FSTL5: variants seen among roughly 807,000 people sequenced by gnomAD.
The protein encoded by FSTL5 is follistatin like 5.
Under a neutral mutation model 89.1 loss-of-function variants are expected in FSTL5, and 62 were observed. The ratio of observed to expected loss-of-function variants is 0.70; its 90% CI spans 0.57 to 0.86. The LOEUF (loss-of-function observed/expected upper bound fraction) is 0.86. FSTL5 is among the 40% of genes least tolerant of loss of function. The pLI is 0.00. For synonymous variants in FSTL5, 383 were observed against 346.2 expected (o/e 1.11, Z -1.18); for missense variants, 1,057 against 1,001.6 (o/e 1.06, Z -0.75).
At chr4:161,800,859 C>A (rs931463937) in intron 4 of FSTL5, among the ~76,000 whole-genome samples, 1 of 151,488 alleles carries the variant, frequency 6.6e-6, no homozygotes, top group Admixed American at 6.6e-5. Flanking sequence ...TAGGAGCCCA[C>A]ACAATCCCTT....
At chr4:161,700,431 C>T (rs1435648786) in intron 6 of FSTL5, among the ~76,000 whole-genome samples, 1 of 151,814 alleles carries the variant, frequency 6.6e-6, no homozygotes, top group African/African-American at 2.4e-5. Context: ...CAAATATCTT[C>T]GTTTTTCTAG....
chr4:161,631,777 C>G (rs1433804792), intron 7 of FSTL5, among the ~76,000 whole-genome samples: 2 of 152,152 alleles, frequency 1.3e-5, no homozygotes, highest in African/African-American at 4.8e-5. Context: ...ACACTAATAA[C>G]AAATGAAAAG....
chr4:162,006,705 C>T (rs1736626597), intron 3 of FSTL5, among the ~76,000 whole-genome samples: 1 of 151,862 alleles, frequency 6.6e-6, no homozygotes, highest in African/African-American at 2.4e-5. Flanking sequence ...TATTTTGCCT[C>T]ATTTGTATTG....
At chr4:161,668,410 T>C (rs944129586) in intron 6 of FSTL5, among the ~76,000 whole-genome samples, 2 of 152,214 alleles carry the variant, frequency 1.3e-5, no homozygotes, top group Non-Finnish European at 2.9e-5. Context: ...CAGGCCCAGA[T>C]GGATTCACTG....
chr4:161,587,507 G>A lies in FSTL5; in HGVS notation c.963C>T (p.Cys321=). The A allele has an allele frequency of 1.9e-6, 3 of 1,612,284 alleles. No individual in the cohort carries two copies. Among genetic ancestry groups the A allele is most frequent in the Middle Eastern group, 1.7e-4 (1 of 6,042 alleles). ...AGACTTGTTCATAGCCATCTGCATA[G>A]CAGGTGTAATTGCCAACGTGAGTTG... is the stretch of plus-strand genomic sequence containing the variant. ...VTTTHVGNYT[C]YADGYEQVYQ... The change falls in exon 8 of 16, where the codon TGC becomes TGT. Residue 321 remains cysteine (C), a synonymous_variant. Coordinates refer to ENST00000306100, the MANE Select transcript of FSTL5 (RefSeq NM_020116.5).
chr4:161,932,857 G>T (rs1398946006), intron 3 of FSTL5, among the ~76,000 whole-genome samples: 1 of 151,792 alleles, frequency 6.6e-6, no homozygotes, highest in African/African-American at 2.4e-5. Flanking sequence ...AATGTTATTG[G>T]TTAGCTGAAA....
At chr4:161,615,437 T>G (rs1056552829) in intron 7 of FSTL5, among the ~76,000 whole-genome samples, 2 of 120,458 alleles carry the variant, frequency 1.7e-5, no homozygotes, top group African/African-American at 6.6e-5. Context: ...AGGGCGAGAC[T>G]CCATCTCAAA....
intron 6 of FSTL5, among the ~76,000 whole-genome samples, chr4:161,665,625 G>A (rs542188185): frequency 1.1e-4 from 17 of 152,168 alleles, no homozygotes; most frequent in African/African-American, 4.1e-4. Flanking sequence ...ATCAGCAAAA[G>A]TAGAAACAAG....
chr4:161,565,116 C>T (rs868868016), intron 8 of FSTL5, among the ~76,000 whole-genome samples: 2 of 151,618 alleles, frequency 1.3e-5, no homozygotes, highest in Non-Finnish European at 2.9e-5. Flanking sequence ...AATGTGGGGC[C>T]GAAAGCAAAG....
At chr4:161,977,408 C>A (rs1006340638) in intron 3 of FSTL5, among the ~76,000 whole-genome samples, 2 of 151,460 alleles carry the variant, frequency 1.3e-5, no homozygotes, top group Admixed American at 1.3e-4. Context: ...GTTAGCAGAT[C>A]GAGACCATCC....
intron 2 of FSTL5, among the ~76,000 whole-genome samples, chr4:162,048,419 G>C (rs1304537077): frequency 6.6e-6 from 1 of 151,852 alleles, no homozygotes; most frequent in East Asian, 1.9e-4. Context: ...GCAAGATTTA[G>C]AAAAAAGAAA....
At position 161,878,773 on chromosome 4, in the gene FSTL5, A is replaced by T. The variant is rs996472596; in HGVS notation, c.409+41631T>A. Among the ~76,000 whole-genome samples, 126 of 152,254 alleles carry T rather than the reference A, an allele frequency of 8.3e-4. 2 individuals are homozygous for T. Among genetic ancestry groups the T allele is most frequent in the African/African-American group, 2.9e-3 (120 of 41,560 alleles). On this transcript the variant is annotated intron_variant, in intron 4 of 15. Transcript: ENST00000306100. ...CACATTTTAATGAAATTAAATGCCC[A>T]TTTCTATGGTTATTATATTTAAATA...
At chr4:161,910,958 A>C (rs989688237) in intron 4 of FSTL5, among the ~76,000 whole-genome samples, 4 of 152,124 alleles carry the variant, frequency 2.6e-5, no homozygotes, top group Admixed American at 1.3e-4. Flanking sequence ...CTGTCACCTG[A>C]TAGCAACTAA....
intron 4 of FSTL5, among the ~76,000 whole-genome samples, chr4:161,890,974 A>T (rs1352839673): frequency 1.3e-5 from 2 of 152,168 alleles, no homozygotes; most frequent in Non-Finnish European, 2.9e-5. Flanking sequence ...TACTGAGTTC[A>T]TAAAAAAAAA....
chr4:161,585,967 G>GTCTA (rs1477979287), intron 8 of FSTL5, among the ~76,000 whole-genome samples: 5 of 152,200 alleles, frequency 3.3e-5, no homozygotes, highest in African/African-American at 1.2e-4. Context: ...ACTTGATTAT[G>GTCTA]TCTAGATACC....
chr4:161,953,452 G>T (rs1190288165), intron 3 of FSTL5, among the ~76,000 whole-genome samples: 2 of 151,494 alleles, frequency 1.3e-5, no homozygotes, highest in East Asian at 3.9e-4. Context: ...AGGACAACTT[G>T]CTTTATGCGC....
intron 3 of FSTL5, among the ~76,000 whole-genome samples, chr4:161,955,821 A>G (rs1735012804): frequency 6.6e-6 from 1 of 151,888 alleles, no homozygotes; most frequent in Admixed American, 6.6e-5. Context: ...ACTAATGTAA[A>G]AATGAGACAA....
At chr4:161,598,300 G>A (rs527713353) in intron 7 of FSTL5, among the ~76,000 whole-genome samples, 67 of 152,132 alleles carry the variant, frequency 4.4e-4, no homozygotes, top group African/African-American at 1.5e-3. Flanking sequence ...GCTTGAACCC[G>A]GAAGGCAGAG....
intron 1 of FSTL5, among the ~76,000 whole-genome samples, chr4:162,140,880 A>G (rs761990923): frequency 2.0e-5 from 3 of 152,130 alleles, no homozygotes. Flanking sequence ...AGATGTTAAC[A>G]TAAGTATTTA....
Sources: allele counts gnomAD v4.1 joint callset (sites outside exome capture counted in the v4.1 genomes callset), GRCh38; gene constraint gnomAD v4.1.1; transcripts MANE v1.5; gene names NCBI Gene and HGNC (gene_info 2026-07-23, HGNC 2026-07-21).